Variants in ZSWIM5 observed in about 807,000 individuals in gnomAD.
ZSWIM5 encodes zinc finger SWIM-type containing 5.
In ZSWIM5, 55 loss-of-function variants were observed where a neutral mutation model predicts 119.6. That is an observed-to-expected ratio of 0.46 (90% CI 0.37 to 0.58). The LOEUF is 0.58. ZSWIM5 is among the 20% of genes least tolerant of loss of function. The pLI, the probability that ZSWIM5 is intolerant of heterozygous loss-of-function variation, is 0.00. For missense variants in ZSWIM5, 1,193 were observed against 1,512.8 expected, an observed-to-expected ratio of 0.79 and a Z score of 3.51; for synonymous variants, 537 against 606.9, an observed-to-expected ratio of 0.88 and a Z score of 1.69.
At chr1:45,098,883 G>T (rs1645420256) in intron 1 of ZSWIM5, among the ~76,000 whole-genome samples, 1 of 152,096 alleles carries the variant, frequency 6.6e-6, no homozygotes, top group East Asian at 1.9e-4. Context: ...AGAATCTCTG[G>T]GACACATTTA....
At chr1:45,168,562 G>C (rs1020386264) in intron 1 of ZSWIM5, among the ~76,000 whole-genome samples, 12 of 150,362 alleles carry the variant, frequency 8.0e-5, no homozygotes, top group Non-Finnish European at 1.8e-4. Flanking sequence ...CTACTCGGGA[G>C]GCTGAGGCAG....
At chr1:45,092,716 A>G (rs1445179544) in intron 1 of ZSWIM5, among the ~76,000 whole-genome samples, 1 of 152,192 alleles carries the variant, frequency 6.6e-6, no homozygotes, top group Admixed American at 6.5e-5. Flanking sequence ...AATATTTACA[A>G]TCAGTTGACT....
At chr1:45,133,896 G>A (rs1377366306) in intron 1 of ZSWIM5, among the ~76,000 whole-genome samples, 1 of 151,974 alleles carries the variant, frequency 6.6e-6, no homozygotes, top group Non-Finnish European at 1.5e-5. Context: ...GTTTTTGTCA[G>A]GTTTGTCAAA....
chr1:45,097,072 G>A (rs1442266535), intron 1 of ZSWIM5, among the ~76,000 whole-genome samples: 1 of 152,192 alleles, frequency 6.6e-6, no homozygotes, highest in African/African-American at 2.4e-5. Context: ...TGCAGCAAGA[G>A]CTCTGGGAAC....
chr1:45,093,168 T>C (rs1429823917), intron 1 of ZSWIM5, among the ~76,000 whole-genome samples: 1 of 152,232 alleles, frequency 6.6e-6, no homozygotes, highest in Non-Finnish European at 1.5e-5. Flanking sequence ...TGCCTCTCCA[T>C]AATATTGTAC....
At chr1:45,179,121 T>C (rs897652454) in intron 1 of ZSWIM5, among the ~76,000 whole-genome samples, 5 of 152,102 alleles carry the variant, frequency 3.3e-5, no homozygotes, top group Non-Finnish European at 7.4e-5. Context: ...AAATAAGTCA[T>C]TCTACCAAAA....
chr1:45,100,408 A>G (rs921883638), intron 1 of ZSWIM5, among the ~76,000 whole-genome samples: 6 of 152,232 alleles, frequency 3.9e-5, no homozygotes, highest in South Asian at 2.1e-4. Flanking sequence ...GAGGACACAA[A>G]CAAATGGAAG....
At chr1:45,182,919 C>G (rs1375389943) in intron 1 of ZSWIM5, among the ~76,000 whole-genome samples, 1 of 151,252 alleles carries the variant, frequency 6.6e-6, no homozygotes, top group Non-Finnish European at 1.5e-5. Context: ...CTACAGAACT[C>G]TCCACCCCAA....
chr1:45,120,378 A>C (rs1256317506), intron 1 of ZSWIM5, among the ~76,000 whole-genome samples: 2 of 152,180 alleles, frequency 1.3e-5, no homozygotes, highest in Non-Finnish European at 2.9e-5. Context: ...ACACTAATAC[A>C]TTAATTATAG....
At chr1:45,052,078 C>T (rs1393459844) in intron 4 of ZSWIM5, among the ~76,000 whole-genome samples, 1 of 149,876 alleles carries the variant, frequency 6.7e-6, no homozygotes, top group African/African-American at 2.5e-5. Context: ...TGGCTCACTG[C>T]TGCAACCTCC....
At chr1:45,185,126 C>T (rs1038802502) in intron 1 of ZSWIM5, among the ~76,000 whole-genome samples, 1 of 152,008 alleles carries the variant, frequency 6.6e-6, no homozygotes, top group Non-Finnish European at 1.5e-5. Flanking sequence ...CTTTGACAAA[C>T]CTGAGAAAAA....
chr1:45,184,112 G>A (rs12755378), intron 1 of ZSWIM5, among the ~76,000 whole-genome samples: 52 of 152,244 alleles, frequency 3.4e-4, no homozygotes, highest in African/African-American at 1.2e-3. Context: ...ATCAATAAAT[G>A]TAATCCAGCA....
At chr1:45,054,984 C>G (rs1318888647) in intron 4 of ZSWIM5, among the ~76,000 whole-genome samples, 1 of 151,968 alleles carries the variant, frequency 6.6e-6, no homozygotes, top group African/African-American at 2.4e-5. Context: ...TGCCACCATG[C>G]CCGGTTAATT....
chr1:45,111,628 G>C (rs1379426624), intron 1 of ZSWIM5, among the ~76,000 whole-genome samples: 1 of 152,086 alleles, frequency 6.6e-6, no homozygotes, highest in Admixed American at 6.5e-5. Flanking sequence ...TGCCTTTCCA[G>C]CTTCTGGAGG....
Position 45,036,279 on chromosome 1 carries a change from G to C in ZSWIM5, c.1915C>G (p.Pro639Ala). ...GCCACAGGTACATGCTGGTACACAG[G>C]GGGTCTGCTTTCATTCATATCTGAG... ...EMSDMNESRPPVYQHVPVAAG... is the reference protein window; with the variant it reads ...EMSDMNESRPAVYQHVPVAAG... Residue 639 changes from proline to alanine, a missense_variant, in exon 9 of 14, where the codon CCT becomes GCT. Transcript: ENST00000359600. 6.2e-6 allele frequency: 10 copies of C among 1,613,570 alleles called. No homozygotes were observed. Among genetic ancestry groups the C allele is most frequent in the Non-Finnish European group, 7.6e-6 (9 of 1,179,856 alleles).
chr1:45,081,908 T>C (rs1411065274), intron 2 of ZSWIM5, among the ~76,000 whole-genome samples: 25 of 151,908 alleles, frequency 1.6e-4, no homozygotes, highest in Admixed American at 1.4e-3. Context: ...GGGGAAAAGA[T>C]TGAGAAATCG....
chr1:45,126,623 C>T (rs1159872183), intron 1 of ZSWIM5, among the ~76,000 whole-genome samples: 1 of 152,104 alleles, frequency 6.6e-6, no homozygotes, highest in Non-Finnish European at 1.5e-5. Flanking sequence ...TGAATCAATG[C>T]TGGGCACAGT....
chr1:45,063,283 C>CT (rs1253781482), intron 2 of ZSWIM5, among the ~76,000 whole-genome samples: 3 of 152,092 alleles, frequency 2.0e-5, no homozygotes, highest in Non-Finnish European at 4.4e-5. Flanking sequence ...GTGCCTGTAT[C>CT]TTTTTGGTAG....
intron 1 of ZSWIM5, among the ~76,000 whole-genome samples, chr1:45,195,004 T>C (rs904985794): frequency 6.6e-6 from 1 of 152,228 alleles, no homozygotes; most frequent in Admixed American, 6.5e-5. Context: ...ATGTATCCTG[T>C]AGTCCCCACT....
Sources: allele counts gnomAD v4.1 joint callset (sites outside exome capture counted in the v4.1 genomes callset), GRCh38; gene constraint gnomAD v4.1.1; transcripts MANE v1.5; gene names NCBI Gene and HGNC (gene_info 2026-07-23, HGNC 2026-07-21).